MAML2: variants seen among roughly 807,000 people sequenced by gnomAD.
MAML2 encodes the protein mastermind-like protein 2.
In MAML2, 22 loss-of-function variants were observed where a neutral mutation model predicts 96.1. The observed-to-expected ratio is 0.23, with a 90% confidence interval of 0.16 to 0.33. The LOEUF is 0.33. Among genes scored for constraint, MAML2 ranks in the 10% least tolerant of loss-of-function variants. MAML2 has a pLI of 1.00. For missense variants in MAML2, 1,367 were observed against 1,392.4 expected, an observed-to-expected ratio of 0.98 and a Z score of 0.29; for synonymous variants, 561 against 521.3, an observed-to-expected ratio of 1.08 and a Z score of -1.04.
rs1554999908 is a variant in MAML2, at chr11:96,039,688, T to TGCA, written c.2140-47966_2140-47965insTGC. ...TCGGCCGGGCGCGGTGGCTCACGCC[T>TGCA]GTAATCCCAGCACTTTGGGAGGCCA... On this transcript the variant is annotated intron_variant, in intron 2 of 4. Coordinates refer to ENST00000524717, the MANE Select transcript of MAML2 (RefSeq NM_032427.4). Among the ~76,000 whole-genome samples the TGCA allele has an allele frequency of 3.9e-5, 6 of 152,080 alleles. 1 individual carries two copies. Among genetic ancestry groups the TGCA allele is most frequent in the Non-Finnish European group, 8.8e-5 (6 of 68,000 alleles).
At chr11:96,166,193 A>T (rs1487596526) in intron 1 of MAML2, among the ~76,000 whole-genome samples, 8 of 150,772 alleles carry the variant, frequency 5.3e-5, no homozygotes, top group Non-Finnish European at 1.2e-4. Flanking sequence ...ACACACACAC[A>T]CACACACACA....
At chr11:96,111,658 C>T (rs1860126508) in intron 1 of MAML2, among the ~76,000 whole-genome samples, 1 of 152,206 alleles carries the variant, frequency 6.6e-6, no homozygotes, top group South Asian at 2.1e-4. Flanking sequence ...ATACGCATAA[C>T]CTCTAGGTGC....
Position 96,087,212 on chromosome 11 carries a change from GA to G in MAML2, c.2139+4679del, listed in dbSNP as rs1391579297. ...ACCAACCAACAGAATAACGACAGAA[GA>G]ACAAAAAAGACACCAAGTTCCTCCT... On this transcript the variant is annotated intron_variant, in intron 2 of 4. Transcript: ENST00000524717. 2.0e-5 allele frequency among the ~76,000 whole-genome samples: 3 copies of G among 151,982 alleles called. No individual in the cohort carries two copies. The East Asian group carries it at 5.8e-4, about 29-fold the overall frequency.
intron 1 of MAML2, among the ~76,000 whole-genome samples, chr11:96,119,600 T>C (rs1258556714): frequency 6.6e-6 from 1 of 152,244 alleles, no homozygotes; most frequent in Non-Finnish European, 1.5e-5. Context: ...AGGAAACTAA[T>C]ACAGTCACAG....
At chr11:96,038,218 A>G (rs1858749653) in intron 2 of MAML2, among the ~76,000 whole-genome samples, 1 of 152,212 alleles carries the variant, frequency 6.6e-6, no homozygotes, top group Non-Finnish European at 1.5e-5. Flanking sequence ...GTGGTTAGAA[A>G]ATAATGTACT....
chr11:96,276,973 A>G (rs1448354955), intron 1 of MAML2, among the ~76,000 whole-genome samples: 1 of 152,180 alleles, frequency 6.6e-6, no homozygotes, highest in Non-Finnish European at 1.5e-5. Context: ...CATACGTGCA[A>G]GGTACTATCT....
At chr11:96,021,525 G>C (rs680693) in intron 2 of MAML2, among the ~76,000 whole-genome samples, 8,858 of 152,170 alleles carry the variant, frequency 0.058, 691 homozygotes, top group African/African-American at 0.18. Context: ...GGGACTTCTG[G>C]TTAGCTCAAG....
At chr11:96,099,665 G>A (rs1859890419) in intron 1 of MAML2, among the ~76,000 whole-genome samples, 1 of 152,076 alleles carries the variant, frequency 6.6e-6, no homozygotes, top group Non-Finnish European at 1.5e-5. Context: ...CTATTGAGTG[G>A]GAGCAGTAAA....
chr11:96,218,732 C>T (rs1415893013), intron 1 of MAML2, among the ~76,000 whole-genome samples: 1 of 152,084 alleles, frequency 6.6e-6, no homozygotes, highest in Non-Finnish European at 1.5e-5. Context: ...CAATTCCTGA[C>T]TGGGTAGGTT....
intron 1 of MAML2, among the ~76,000 whole-genome samples, chr11:96,128,408 A>T (rs1012893437): frequency 3.9e-5 from 6 of 152,084 alleles, no homozygotes; most frequent in Admixed American, 2.6e-4. Flanking sequence ...GGGAAAAAAA[A>T]ATACTCCTAG....
chr11:96,058,311 T>TTTGTTTG (rs1555002845), intron 2 of MAML2, among the ~76,000 whole-genome samples: 5 of 127,424 alleles, frequency 3.9e-5, no homozygotes, highest in Non-Finnish European at 8.7e-5. Context: ...TGTTTGTTTG[T>TTTGTTTG]TTTGTTTTGC....
rs745418562 is a variant in MAML2, at chr11:96,091,880, T to G, written c.2139+12A>C. 6.2e-6 allele frequency: 10 copies of G among 1,608,858 alleles called. No individual in the cohort carries two copies. The African/African-American group carries it at 1.2e-4, about 19-fold the overall frequency. ...TCTGGGAACTCTGTATTTGGAGTAGTAGAGCCCTTACCTGTCTCTGTTGTT... is the reference window on the plus strand; with the variant it reads ...TCTGGGAACTCTGTATTTGGAGTAGGAGAGCCCTTACCTGTCTCTGTTGTT... On this transcript the variant is annotated intron_variant, in intron 2 of 4. Transcript: ENST00000524717.
At chr11:96,017,464 A>T (rs1858372813) in intron 2 of MAML2, among the ~76,000 whole-genome samples, 1 of 151,688 alleles carries the variant, frequency 6.6e-6, no homozygotes, top group Admixed American at 6.6e-5. Context: ...GCCTACAATA[A>T]TAACTGGGGT....
chr11:96,053,107 G>A (rs1347519031), intron 2 of MAML2, among the ~76,000 whole-genome samples: 5 of 152,222 alleles, frequency 3.3e-5, no homozygotes, highest in African/African-American at 1.2e-4. Context: ...CAAAGACAAG[G>A]TGTCTTCCCT....
chr11:96,120,940 A>G (rs1174720704), intron 1 of MAML2, among the ~76,000 whole-genome samples: 3 of 152,284 alleles, frequency 2.0e-5, no homozygotes, highest in Non-Finnish European at 4.4e-5. Flanking sequence ...CGCTCAAGGG[A>G]TAGTGTCTTG....
intron 1 of MAML2, among the ~76,000 whole-genome samples, chr11:96,271,902 C>T (rs2135980265): frequency 6.6e-6 from 1 of 152,278 alleles, no homozygotes; most frequent in Non-Finnish European, 1.5e-5. Context: ...TTTCTCTCTC[C>T]TTCGCTTACT....
intron 1 of MAML2, among the ~76,000 whole-genome samples, chr11:96,128,329 G>T (rs1860487046): frequency 1.3e-5 from 2 of 152,140 alleles, no homozygotes; most frequent in Non-Finnish European, 2.9e-5. Flanking sequence ...GGAAGGCGGA[G>T]GTTGCAGTGA....
chr11:96,265,709 G>C (rs1396771823), intron 1 of MAML2, among the ~76,000 whole-genome samples: 6 of 152,230 alleles, frequency 3.9e-5, no homozygotes, highest in Non-Finnish European at 7.3e-5. Flanking sequence ...TAGACGTTGA[G>C]TGGAACTCAC....
At chr11:96,302,159 T>C (rs1281151249) in intron 1 of MAML2, among the ~76,000 whole-genome samples, 1 of 152,222 alleles carries the variant, frequency 6.6e-6, no homozygotes, top group East Asian at 1.9e-4. Flanking sequence ...TAAAGACACA[T>C]ATTTGTTTTC....
Sources: allele counts gnomAD v4.1 joint callset (sites outside exome capture counted in the v4.1 genomes callset), GRCh38; gene constraint gnomAD v4.1.1; transcripts MANE v1.5; gene names NCBI Gene and HGNC (gene_info 2026-07-23, HGNC 2026-07-21).